HDLBP: variants seen among roughly 807,000 people sequenced by gnomAD.
HDLBP encodes vigilin.
HDLBP carries 30 observed loss-of-function variants against 137.3 expected under a neutral mutation model. That is an observed-to-expected ratio of 0.22 (90% CI 0.16 to 0.30). The LOEUF (loss-of-function observed/expected upper bound fraction) is 0.30, where lower values mean the gene tolerates loss of function less well. Among genes scored for constraint, HDLBP ranks in the 10% least tolerant of loss-of-function variants. The pLI, the probability that HDLBP is intolerant of heterozygous loss-of-function variation, is 1.00. For synonymous variants in HDLBP, 606 were observed against 596.0 expected (o/e 1.02, Z -0.24); for missense variants, 1,119 against 1,667.3 (o/e 0.67, Z 5.73).
intron 7 of HDLBP, 151 bp from the exon 8 acceptor site, chr2:241,255,731 A>T: frequency 1.5e-6 from 1 of 646,562 alleles, no homozygotes; most frequent in South Asian, 1.9e-5. Flanking sequence ...GGACTAGCCA[A>T]TCCCCAGAAA....
chr2:241,291,609 C>T (rs534721321), intron 1 of HDLBP, among the ~76,000 whole-genome samples: 1 of 152,238 alleles, frequency 6.6e-6, no homozygotes, highest in South Asian at 2.1e-4. Context: ...TCAGAACCTC[C>T]AAAATTGATA....
In HDLBP at chr2:241,256,669, G is replaced by T; in HGVS notation, c.588C>A (p.Ile196=). Residue 196 remains isoleucine, a synonymous_variant, in exon 6 of 28, where the codon ATC becomes ATA. Coordinates refer to ENST00000310931, the MANE Select transcript of HDLBP (RefSeq NM_005336.6). The part of the protein sequence containing the change: ...IPRPDDPSNQ[I]KITGTKEGIE... ...TGCCCTCTTTGGTGCCAGTGATCTT[G>T]ATCTGATTGCTGGGGTCATCTGGGC... The T allele has an allele frequency of 6.2e-7, 1 of 1,614,196 alleles. No individual in the cohort carries two copies. The highest frequency in any genetic ancestry group is 8.5e-7 in the Non-Finnish European group (1 of 1,180,032).
chr2:241,234,536 T>G lies in HDLBP; in HGVS notation c.3145-573A>C, dbSNP rs143954639. Among the ~76,000 whole-genome samples, 39 of 152,276 alleles carry G rather than the reference T, an allele frequency of 2.6e-4. No individual in the cohort carries two copies. The East Asian group carries it at 7.5e-3, about 29-fold the overall frequency. On this transcript the variant is annotated intron_variant, in intron 23 of 27. Transcript: ENST00000310931. ...CGGGAGGAGTGGAAAGCCAACCCCC[T>G]TAGCAAACCAGCACCCCAGCACAGT...
chr2:241,235,302 G>A (rs2070271875), intron 22 of HDLBP, 47 bp from the exon 23 acceptor site: 2 of 1,613,296 alleles, frequency 1.2e-6, no homozygotes, highest in African/African-American at 2.7e-5. Flanking sequence ...CCAGAGAACA[G>A]GAAAGAGTCC....
intron 1 of HDLBP, among the ~76,000 whole-genome samples, chr2:241,294,452 CTATTT>C (rs1160774029): frequency 6.6e-6 from 1 of 152,128 alleles, no homozygotes; most frequent in African/African-American, 2.4e-5. Flanking sequence ...ACGTAAATTT[CTATTT>C]TATTTTATTA....
intron 16 of HDLBP, among the ~76,000 whole-genome samples, chr2:241,246,125 C>T (rs539238333): frequency 3.3e-5 from 5 of 152,204 alleles, no homozygotes; most frequent in African/African-American, 1.2e-4. Context: ...ACAACACACA[C>T]AAATGTCAAA....
intron 1 of HDLBP, among the ~76,000 whole-genome samples, chr2:241,300,169 A>G (rs59196510): frequency 0.03 from 4,556 of 152,254 alleles, 157 homozygotes; most frequent in African/African-American, 0.081. Flanking sequence ...ACAGCAGCAC[A>G]TCCCAAACAA....
intron 1 of HDLBP, chr2:241,273,046 C>G: frequency 4.1e-6 from 4 of 985,482 alleles, no homozygotes; most frequent in Non-Finnish European, 4.8e-6. Flanking sequence ...CTCCAGAAAG[C>G]AGAGGGAGCG....
Position 241,238,857 on chromosome 2 carries a change from C to G in HDLBP, c.2611-70G>C. On this transcript the variant is annotated intron_variant, in intron 19 of 27. Coordinates refer to ENST00000310931, the MANE Select transcript of HDLBP (RefSeq NM_005336.6). The surrounding 1 kb of genome is among the most constrained non-coding windows in gnomAD (Gnocchi z 4.9). Reference sequence around the variant, plus strand: ...ATTCCTTAGGGCAAGTTTTACAGCACTCTTCACACCACCTTCCTCCCTGTC... The same window carrying G: ...ATTCCTTAGGGCAAGTTTTACAGCAGTCTTCACACCACCTTCCTCCCTGTC... 7.9e-7 allele frequency: 1 copy of G among 1,268,828 alleles called. No homozygotes were observed. Among genetic ancestry groups the G allele is most frequent in the South Asian group, 1.7e-5 (1 of 58,588 alleles). 78.6% of individuals were successfully genotyped at this position (1,268,828 alleles called of 1,614,324 possible). A position where few individuals can be genotyped will look rare whatever the true frequency, so the allele number is the denominator to read the frequency against.
chr2:241,280,934 G>A (rs1417513621), intron 1 of HDLBP, among the ~76,000 whole-genome samples: 2 of 152,158 alleles, frequency 1.3e-5, no homozygotes, highest in Admixed American at 6.5e-5. Context: ...ATTTAGTGGA[G>A]TATGCCACTA....
rs897106228 is a variant in HDLBP, at chr2:241,233,657, G to A, written c.3288+163C>T. Among the ~76,000 whole-genome samples, 6 of 152,084 alleles carry A rather than the reference G, an allele frequency of 3.9e-5. No individual in the cohort carries two copies. The highest frequency in any genetic ancestry group is 2.9e-5 in the Non-Finnish European group (2 of 68,014). On this transcript the variant is annotated intron_variant, in intron 24 of 27. Coordinates refer to ENST00000310931, the MANE Select transcript of HDLBP (RefSeq NM_005336.6). The surrounding 1 kb of genome is among the most constrained non-coding windows in gnomAD (Gnocchi z 4.3). ...AGACCTCACCCATCTGGCAAGTACC[G>A]AGACACAGCCCAAACCTCAAGCCAG...
At chr2:241,262,605 T>C (rs1215320155) in intron 5 of HDLBP, 106 bp downstream of exon 5, 2 of 797,222 alleles carry the variant, frequency 2.5e-6, no homozygotes, top group African/African-American at 1.7e-5. Flanking sequence ...AAGACGGAAC[T>C]GTCCCACTGG....
chr2:241,288,202 T>G (rs1254111941), intron 1 of HDLBP, among the ~76,000 whole-genome samples: 1 of 152,258 alleles, frequency 6.6e-6, no homozygotes, highest in Non-Finnish European at 1.5e-5. Flanking sequence ...TGCTGTGCTA[T>G]TCTCATTACA....
intron 12 of HDLBP, 86 bp from the exon 13 acceptor site, chr2:241,248,434 G>C: frequency 9.1e-7 from 1 of 1,093,334 alleles, no homozygotes; most frequent in Non-Finnish European, 1.4e-6. Flanking sequence ...AGGGAGCCCT[G>C]GGCACAGTCC....
rs891313103 is a variant in HDLBP, at chr2:241,253,435, G to A, written c.1251C>T (p.Val417=). The A allele has an allele frequency of 1.9e-6, 3 of 1,613,300 alleles. No individual in the cohort carries two copies. Among genetic ancestry groups the A allele is most frequent in the Non-Finnish European group, 2.5e-6 (3 of 1,179,414 alleles). The change falls in exon 10 of 28, where the codon GTC becomes GTT. Residue 417 remains valine (V), a synonymous_variant. Coordinates refer to ENST00000310931, the MANE Select transcript of HDLBP (RefSeq NM_005336.6). ...CTTCTATCTGTTCCTGGGCCACATTGACATCCTCTGTAGGGCCCTCCAGGG... is the reference window on the plus strand; with the variant it reads ...CTTCTATCTGTTCCTGGGCCACATTAACATCCTCTGTAGGGCCCTCCAGGG... The part of the protein sequence containing the change: ...KITLEGPTED[V]NVAQEQIEGM...
intron 27 of HDLBP, 28 bp from the exon 28 acceptor site, chr2:241,229,715 G>A (rs1312579527): frequency 2.5e-6 from 4 of 1,612,140 alleles, no homozygotes; most frequent in South Asian, 1.1e-5. Flanking sequence ...ACGGCTTCAG[G>A]AGGGGATGCT....
chr2:241,285,140 C>A (rs1237917646), intron 1 of HDLBP, among the ~76,000 whole-genome samples: 2 of 152,256 alleles, frequency 1.3e-5, no homozygotes, highest in East Asian at 3.8e-4. Flanking sequence ...CTTGGCCTCC[C>A]AATGTGCTGG....
In HDLBP at chr2:241,256,804, G is replaced by A; in HGVS notation, c.453C>T (p.Ala151=). 1 of 1,612,110 alleles carries A rather than the reference G, an allele frequency of 6.2e-7. No homozygotes were observed. The highest frequency in any genetic ancestry group is 8.5e-7 in the Non-Finnish European group (1 of 1,178,210). Residue 151 remains alanine, a splice_region_variant and synonymous_variant, in exon 6 of 28, where the codon GCC becomes GCT. Transcript: ENST00000310931. ...CTTTGGGAATGGCAACAGTTGCTGAGGCCTATAGCAAGAAGAGAATAAAAG... is the reference window on the plus strand; with the variant it reads ...CTTTGGGAATGGCAACAGTTGCTGAAGCCTATAGCAAGAAGAGAATAAAAG... ...KDIVARLQTQ[A]SATVAIPKEH...
chr2:241,273,495 T>C (rs1433853816), intron 1 of HDLBP: 2 of 697,720 alleles, frequency 2.9e-6, no homozygotes, highest in Non-Finnish European at 3.5e-6. Flanking sequence ...ACGGAATCCC[T>C]ACTCTCGGGG....
Sources: allele counts gnomAD v4.1 joint callset (sites outside exome capture counted in the v4.1 genomes callset), GRCh38; gene constraint gnomAD v4.1.1; non-coding constraint Gnocchi (gnomAD v3.1); transcripts MANE v1.5; gene names NCBI Gene and HGNC (gene_info 2026-07-23, HGNC 2026-07-21).